The following CTNND2 variants were observed in gnomAD, a reference collection of about 807,000 sequenced individuals.
CTNND2 encodes catenin delta 2.
CTNND2 carries 22 observed loss-of-function variants against 144.4 expected under a neutral mutation model. The observed-to-expected ratio is 0.15, with a 90% CI of 0.11 to 0.22. CTNND2 has a LOEUF of 0.22. CTNND2 is among the 10% of genes least tolerant of loss of function. The pLI is 1.00. For missense variants in CTNND2, 1,353 were observed against 1,618.8 expected, an observed-to-expected ratio of 0.84 and a Z score of 2.82; for synonymous variants, 751 against 695.6, an observed-to-expected ratio of 1.08 and a Z score of -1.25.
At chr5:11,318,654 G>A (rs1475566620) in intron 9 of CTNND2, among the ~76,000 whole-genome samples, 1 of 152,084 alleles carries the variant, frequency 6.6e-6, no homozygotes, top group Non-Finnish European at 1.5e-5. Flanking sequence ...TGAAAATGTA[G>A]ACAAATCGTC....
chr5:11,144,844 C>G (rs1757095068), intron 12 of CTNND2, among the ~76,000 whole-genome samples: 1 of 152,116 alleles, frequency 6.6e-6, no homozygotes, highest in South Asian at 2.1e-4. Flanking sequence ...ATGCTATGCC[C>G]AAGATGCATA....
intron 12 of CTNND2, among the ~76,000 whole-genome samples, chr5:11,135,143 A>C (rs926064715): frequency 3.9e-5 from 6 of 152,226 alleles, no homozygotes; most frequent in Non-Finnish European, 8.8e-5. Context: ...ACTAGAAAAC[A>C]AAAGAGAAGG....
At chr5:11,689,457 T>C (rs1291583056) in intron 2 of CTNND2, among the ~76,000 whole-genome samples, 1 of 152,204 alleles carries the variant, frequency 6.6e-6, no homozygotes, top group East Asian at 1.9e-4. Context: ...AAAATACATA[T>C]TAATTTTTCT....
intron 3 of CTNND2, among the ~76,000 whole-genome samples, chr5:11,494,408 T>A (rs1312123611): frequency 6.6e-6 from 1 of 152,146 alleles, no homozygotes; most frequent in Non-Finnish European, 1.5e-5. Context: ...GAGAGTGATT[T>A]CTCATCTGTA....
intron 2 of CTNND2, among the ~76,000 whole-genome samples, chr5:11,720,752 A>AT (rs1344959440): frequency 6.6e-6 from 1 of 152,142 alleles, no homozygotes; most frequent in Non-Finnish European, 1.5e-5. Context: ...CTGCCATGGA[A>AT]TTTTTTTGAT....
rs145178571 is a variant in CTNND2 at position 11,374,646 on chromosome 5, C to T, written c.1178-9756G>A. On this transcript the variant is annotated intron_variant, in intron 7 of 21. Transcript: ENST00000304623. ...CAAGTGGCATTTTATTTCTCAACAG[C>T]TGTGTCTCAATACCCCATCAGTGCA... is the stretch of plus-strand genomic sequence containing the variant. Among the ~76,000 whole-genome samples, 87 of 152,280 alleles carry T rather than the reference C, an allele frequency of 5.7e-4. No homozygotes were observed. The East Asian group carries it at 0.014, about 25-fold the overall frequency.
intron 16 of CTNND2, among the ~76,000 whole-genome samples, chr5:11,027,752 C>G (rs559527504): frequency 6.6e-6 from 1 of 152,240 alleles, no homozygotes; most frequent in South Asian, 2.1e-4. Flanking sequence ...TTCTGTTAAG[C>G]ATTGTTGGGC....
intron 1 of CTNND2, among the ~76,000 whole-genome samples, chr5:11,747,494 GTCTCAGGTTCTGGAGTTCCTC>G (rs1452494106): frequency 6.6e-6 from 1 of 152,140 alleles, no homozygotes; most frequent in Admixed American, 6.5e-5. Flanking sequence ...ACTGCCAAAT[GTCTCAGGTTCTGGAGTTCCTC>G]TCACACAGCT....
At chr5:11,659,923 T>C (rs1363674253) in intron 2 of CTNND2, among the ~76,000 whole-genome samples, 1 of 152,158 alleles carries the variant, frequency 6.6e-6, no homozygotes, top group Non-Finnish European at 1.5e-5. Context: ...GTAGTAGTAA[T>C]AGTATATACC....
At chr5:11,781,478 G>A (rs149166371) in intron 1 of CTNND2, among the ~76,000 whole-genome samples, 3 of 152,136 alleles carry the variant, frequency 2.0e-5, no homozygotes, top group South Asian at 2.1e-4. Flanking sequence ...TCCCCCAGGA[G>A]TCTGACTTTT....
intron 1 of CTNND2, among the ~76,000 whole-genome samples, chr5:11,885,235 T>C (rs1020905059): frequency 2.6e-5 from 4 of 152,150 alleles, no homozygotes; most frequent in African/African-American, 9.7e-5. Context: ...TTAAAAAGAA[T>C]TGATATTTGT....
At chr5:11,745,043 GA>G (rs2126773167) in intron 1 of CTNND2, among the ~76,000 whole-genome samples, 1 of 152,248 alleles carries the variant, frequency 6.6e-6, no homozygotes, top group African/African-American at 2.4e-5. Context: ...AGGATTTTAA[GA>G]AATTGGATGA....
chr5:11,580,263 C>T (rs574181060), intron 2 of CTNND2, among the ~76,000 whole-genome samples: 171 of 152,092 alleles, frequency 1.1e-3, no homozygotes, highest in African/African-American at 4.0e-3. Flanking sequence ...GATAGACTAC[C>T]CATGGTTAAC....
At chr5:11,118,011 G>A (rs1008403728) in intron 12 of CTNND2, among the ~76,000 whole-genome samples, 2 of 152,226 alleles carry the variant, frequency 1.3e-5, no homozygotes, top group Non-Finnish European at 2.9e-5. Flanking sequence ...CCTTGGCCCA[G>A]CCAGAAGTAG....
At chr5:11,407,839 G>A (rs1761213273) in intron 5 of CTNND2, among the ~76,000 whole-genome samples, 2 of 149,974 alleles carry the variant, frequency 1.3e-5, no homozygotes, top group South Asian at 2.1e-4. Context: ...TATTTGCTAT[G>A]TTTCTATACG....
intron 3 of CTNND2, among the ~76,000 whole-genome samples, chr5:11,561,658 T>C (rs1409116936): frequency 6.6e-6 from 1 of 152,234 alleles, no homozygotes. Flanking sequence ...CCTCCTGTAC[T>C]ATTGGATGGA....
chr5:11,723,949 G>T (rs998307746), intron 2 of CTNND2, among the ~76,000 whole-genome samples: 1 of 151,920 alleles, frequency 6.6e-6, no homozygotes, highest in Admixed American at 6.6e-5. Context: ...CCAGCTGCTC[G>T]GGAGCTGTGG....
intron 3 of CTNND2, among the ~76,000 whole-genome samples, chr5:11,533,747 T>C (rs1323437884): frequency 1.3e-5 from 2 of 152,226 alleles, no homozygotes; most frequent in Admixed American, 6.5e-5. Context: ...GATGTGTATT[T>C]ATGTGGCTTC....
intron 2 of CTNND2, among the ~76,000 whole-genome samples, chr5:11,654,844 A>G (rs1411959187): frequency 6.7e-6 from 1 of 150,004 alleles, no homozygotes; most frequent in East Asian, 1.9e-4. Context: ...AAAAGCTTTT[A>G]GCTTAGTTCC....
Sources: gnomAD v4.1 joint callset for allele counts (sites outside exome capture counted in the v4.1 genomes callset) on GRCh38, gnomAD v4.1.1 for gene constraint, MANE v1.5 for transcripts, NCBI Gene and HGNC (gene_info 2026-07-23, HGNC 2026-07-21) for gene names.